Variants in GRIK1 observed in about 807,000 individuals in gnomAD.
GRIK1 encodes glutamate receptor ionotropic, kainate 1.
In GRIK1, 69 loss-of-function variants were observed where a neutral mutation model predicts 105.7. The ratio of observed to expected loss-of-function variants is 0.65; its 90% confidence interval spans 0.54 to 0.80. The LOEUF (loss-of-function observed/expected upper bound fraction) is 0.80, where lower values mean the gene tolerates loss of function less well. Among genes scored for constraint, GRIK1 ranks in the 30% least tolerant of loss-of-function variants. The pLI, the probability that GRIK1 is intolerant of heterozygous loss-of-function variation, is 0.00. For missense variants in GRIK1, 1,109 were observed against 1,167.3 expected, an observed-to-expected ratio of 0.95 and a Z score of 0.73; for synonymous variants, 438 against 431.3, an observed-to-expected ratio of 1.02 and a Z score of -0.19.
In GRIK1 at chr21:29,692,474, A is replaced by G. The variant is rs73352590; in HGVS notation, c.286+1422T>C. ...TAGTTTTATTATTTGTCCATAGACAATTTTGACCCATATGATATCTCAAAG... is the reference window on the plus strand; with the variant it reads ...TAGTTTTATTATTTGTCCATAGACAGTTTTGACCCATATGATATCTCAAAG... On this transcript the variant is annotated intron_variant, in intron 2 of 17. Coordinates refer to ENST00000327783, the MANE Select transcript of GRIK1 (RefSeq NM_001330994.2). Among the ~76,000 whole-genome samples the G allele has an allele frequency of 5.8e-3, 878 of 152,356 alleles. 11 individuals carry two copies. Among genetic ancestry groups the G allele is most frequent in the African/African-American group, 0.02 (843 of 41,588 alleles).
chr21:29,599,033 C>T, intron 7 of GRIK1, 96 bp from the exon 8 acceptor site: 2 of 625,006 alleles, frequency 3.2e-6, no homozygotes, highest in Non-Finnish European at 5.7e-6. Context: ...TCACAGTATC[C>T]AATTATTTGT....
In GRIK1 at chr21:29,845,659, T is replaced by C. The variant is rs1311980114; in HGVS notation, c.118+93724A>G. On this transcript the variant is annotated intron_variant, in intron 1 of 17. Coordinates refer to ENST00000327783, the MANE Select transcript of GRIK1 (RefSeq NM_001330994.2). ...AAATAAAGTTATTTGTCTAACGTAA[T>C]TTTTGGTTTCCTCTTGGAGTACTTG... Among the ~76,000 whole-genome samples the C allele has an allele frequency of 1.8e-4, 27 of 152,350 alleles. 2 individuals are homozygous for C. The East Asian group carries it at 5.0e-3, about 28-fold the overall frequency.
chr21:29,797,370 A>G (rs940461757), intron 1 of GRIK1, among the ~76,000 whole-genome samples: 3 of 152,182 alleles, frequency 2.0e-5, no homozygotes, highest in East Asian at 1.9e-4. Flanking sequence ...CATGTGTACA[A>G]ATGAATTCCT....
intron 1 of GRIK1, among the ~76,000 whole-genome samples, chr21:29,734,425 T>TCTTTTCTTTTCTTTTCTTTTC (rs1569028742): frequency 6.3e-5 from 1 of 15,992 alleles, no homozygotes; most frequent in African/African-American, 9.0e-5. Context: ...TCTTTTCTTT[T>TCTTTTCTTTTCTTTTCTTTTC]TGAGACAGAG....
chr21:29,740,342 C>T (rs980587798), intron 1 of GRIK1, among the ~76,000 whole-genome samples: 2 of 152,004 alleles, frequency 1.3e-5, no homozygotes, highest in Non-Finnish European at 2.9e-5. Context: ...CTCAGCCTCC[C>T]GAGTAGTTGG....
chr21:29,916,486 T>G (rs916396157), intron 1 of GRIK1, among the ~76,000 whole-genome samples: 5 of 151,980 alleles, frequency 3.3e-5, no homozygotes, highest in African/African-American at 4.8e-5. Context: ...AATATCCTTA[T>G]ATTTACTTTA....
chr21:29,745,878 G>A (rs1446832227), intron 1 of GRIK1, among the ~76,000 whole-genome samples: 1 of 152,096 alleles, frequency 6.6e-6, no homozygotes, highest in Non-Finnish European at 1.5e-5. Flanking sequence ...CCAAGGCGGG[G>A]GGATCACGAG....
intron 1 of GRIK1, among the ~76,000 whole-genome samples, chr21:29,927,495 C>T (rs1413500717): frequency 1.3e-5 from 2 of 149,804 alleles, no homozygotes; most frequent in Non-Finnish European, 3.0e-5. Context: ...ATATGCAATG[C>T]TTATAATATA....
chr21:29,894,095 G>A (rs2070014185), intron 1 of GRIK1, among the ~76,000 whole-genome samples: 1 of 152,158 alleles, frequency 6.6e-6, no homozygotes, highest in African/African-American at 2.4e-5. Context: ...TAGTCACAAA[G>A]TGGATTGATG....
chr21:29,734,450 C>A lies in GRIK1; in HGVS notation c.119-40387G>T, dbSNP rs558682567. Reference sequence around the variant, plus strand: ...TTGAGACAGAGTCTTACTCTCTTGCCCAGGGTGGAGTGCAGTGGCACAATC... The same window carrying A: ...TTGAGACAGAGTCTTACTCTCTTGCACAGGGTGGAGTGCAGTGGCACAATC... On this transcript the variant is annotated intron_variant, in intron 1 of 17. Coordinates refer to ENST00000327783, the MANE Select transcript of GRIK1 (RefSeq NM_001330994.2). 3.4e-5 allele frequency among the ~76,000 whole-genome samples: 5 copies of A among 147,216 alleles called. No homozygotes were observed. The East Asian group carries it at 9.8e-4, about 29-fold the overall frequency.
chr21:29,542,711 G>T (rs2089991227), intron 16 of GRIK1, among the ~76,000 whole-genome samples: 1 of 152,200 alleles, frequency 6.6e-6, no homozygotes, highest in Admixed American at 6.5e-5. Flanking sequence ...GTAGGTATAG[G>T]TAAACATTTC....
chr21:29,623,873 T>G (rs1284188104), intron 7 of GRIK1, among the ~76,000 whole-genome samples: 1 of 152,240 alleles, frequency 6.6e-6, no homozygotes, highest in African/African-American at 2.4e-5. Context: ...GCCAAAGTAA[T>G]CTTTCATAGA....
intron 1 of GRIK1, among the ~76,000 whole-genome samples, chr21:29,706,642 G>A (rs1479457264): frequency 1.3e-5 from 2 of 152,166 alleles, no homozygotes; most frequent in Admixed American, 1.3e-4. Flanking sequence ...AGAGAGATAA[G>A]CTTGACTAAT....
At chr21:29,721,585 G>A (rs1382001164) in intron 1 of GRIK1, among the ~76,000 whole-genome samples, 9 of 148,334 alleles carry the variant, frequency 6.1e-5, no homozygotes, top group Non-Finnish European at 4.4e-5. Flanking sequence ...AATGAGAGTA[G>A]CAGGAGAATA....
At chr21:29,558,951 A>C (rs1392518764) in intron 15 of GRIK1, among the ~76,000 whole-genome samples, 2 of 152,158 alleles carry the variant, frequency 1.3e-5, no homozygotes, top group Non-Finnish European at 2.9e-5. Flanking sequence ...TAAAAGTCTC[A>C]TGTTAAAGTT....
At chr21:29,803,174 C>T (rs897610630) in intron 1 of GRIK1, among the ~76,000 whole-genome samples, 9 of 152,168 alleles carry the variant, frequency 5.9e-5, no homozygotes, top group Admixed American at 1.3e-4. Flanking sequence ...TCCATCCTCC[C>T]GGCTGTTCCA....
At chr21:29,620,814 T>TATAG (rs2061980546) in intron 7 of GRIK1, among the ~76,000 whole-genome samples, 1 of 106,452 alleles carries the variant, frequency 9.4e-6, no homozygotes, top group Non-Finnish European at 1.7e-5. Context: ...TAGATATATA[T>TATAG]ATATAGTAAT....
At chr21:29,593,135 A>G (rs1340407335) in intron 9 of GRIK1, among the ~76,000 whole-genome samples, 1 of 152,168 alleles carries the variant, frequency 6.6e-6, no homozygotes, top group East Asian at 1.9e-4. Flanking sequence ...AACTATTTTA[A>G]TTTCAGTTTT....
chr21:29,780,487 T>C (rs1312537795), intron 1 of GRIK1, among the ~76,000 whole-genome samples: 1 of 152,208 alleles, frequency 6.6e-6, no homozygotes, highest in Non-Finnish European at 1.5e-5. Flanking sequence ...AGCCAACAAG[T>C]ACCCCAGAGG....
Sources: gnomAD v4.1 joint callset for allele counts (sites outside exome capture counted in the v4.1 genomes callset) on GRCh38, gnomAD v4.1.1 for gene constraint, MANE v1.5 for transcripts, NCBI Gene and HGNC (gene_info 2026-07-23, HGNC 2026-07-21) for gene names.